The following ALS2 variants were observed in gnomAD, a reference collection of about 807,000 sequenced individuals.
ALS2 encodes alsin Rho guanine nucleotide exchange factor ALS2, also known as alsin.
Under a neutral mutation model 203.4 loss-of-function variants are expected in ALS2, and 117 were observed. That is an observed-to-expected ratio of 0.58 (90% CI 0.50 to 0.67). The LOEUF (loss-of-function observed/expected upper bound fraction) is 0.67, where lower values mean the gene tolerates loss of function less well. Among genes scored for constraint, ALS2 ranks in the 30% least tolerant of loss-of-function variants. The pLI is 0.00. For synonymous variants in ALS2, 718 were observed against 725.9 expected (o/e 0.99, Z 0.17); for missense variants, 1,715 against 1,989.4 (o/e 0.86, Z 2.62).
rs1184589867 is a variant in ALS2 at position 201,741,801 on chromosome 2, A to T, written c.2224T>A (p.Phe742Ile). The change falls in exon 11 of 34, where the codon TTC (phenylalanine) becomes ATC (isoleucine). Residue 742 changes from phenylalanine to isoleucine, a missense_variant. Physicochemically the swap from Phe to Ile is conservative, Grantham distance 21. Around this residue, in one of 3 missense-constraint regions of ALS2, gnomAD observed 1,227 missense variants for 1,413.5 expected, o/e 0.87. Transcript: ENST00000264276. ...VQLLQEVASR[F>I]SKLCYLIGQH... ...CCAATGAGGTAACACAGCTTGCTGAATCGGCTAGCCACCTCCTGCAACAGC... is the reference window on the plus strand; with the variant it reads ...CCAATGAGGTAACACAGCTTGCTGATTCGGCTAGCCACCTCCTGCAACAGC... 1 of 1,614,158 alleles carries T rather than the reference A, an allele frequency of 6.2e-7. No homozygotes were observed. Among genetic ancestry groups the T allele is most frequent in the South Asian group, 1.1e-5 (1 of 91,076 alleles).
At chr2:201,701,966 A>C in intron 33 of ALS2, 77 bp from the exon 34 acceptor site, 1 of 1,311,170 alleles carries the variant, frequency 7.6e-7, no homozygotes, top group Non-Finnish European at 1.1e-6. Context: ...TATGGGACTA[A>C]AGAAACAAAA....
At chr2:201,707,125 G>A (rs889863251) in intron 28 of ALS2, 103 bp from the exon 29 acceptor site, 4 of 1,090,106 alleles carry the variant, frequency 3.7e-6, no homozygotes, top group African/African-American at 1.6e-5. Context: ...AGTAGAGATG[G>A]GAAGTTTTAA....
intron 23 of ALS2, 196 bp downstream of exon 23, chr2:201,722,847 G>A (rs1690894416): frequency 3.4e-6 from 2 of 583,078 alleles, no homozygotes; most frequent in South Asian, 2.2e-5. Flanking sequence ...TGAGCAGAAG[G>A]GATTTTCTTG....
In ALS2 at chr2:201,726,713, T is replaced by G; in HGVS notation, c.3133A>C (p.Lys1045Gln). 1 of 1,614,196 alleles carries G rather than the reference T, an allele frequency of 6.2e-7. No individual in the cohort carries two copies. Among genetic ancestry groups the G allele is most frequent in the Non-Finnish European group, 8.5e-7 (1 of 1,180,036 alleles). ...CAGCGTCCATCATAGGTGGCATCCT[T>G]TAGGCGAGGATCCTTGTAGAAAGTA... ...KYTFYKDPRL[K>Q]DATYDGRWLS... The change falls in exon 18 of 34, where the codon AAG becomes CAG. Residue 1045 changes from lysine (K) to glutamine (Q), a missense_variant. Around this residue, in one of 3 missense-constraint regions of ALS2, gnomAD observed 1,227 missense variants for 1,413.5 expected, o/e 0.87. Coordinates refer to ENST00000264276, the MANE Select transcript of ALS2 (RefSeq NM_020919.4).
At chr2:201,753,681 G>A (rs186749252) in intron 6 of ALS2, among the ~76,000 whole-genome samples, 17 of 151,958 alleles carry the variant, frequency 1.1e-4, no homozygotes, top group Middle Eastern at 3.4e-3. Context: ...TGTTAATGTC[G>A]TAACAATTTC....
In ALS2 at chr2:201,729,054, T is replaced by C. The variant is rs764566405; in HGVS notation, c.2710A>G (p.Thr904Ala). The C allele has an allele frequency of 1.2e-6, 2 of 1,614,178 alleles. No homozygotes were observed. Among genetic ancestry groups the C allele is most frequent in the Non-Finnish European group, 1.7e-6 (2 of 1,180,010 alleles). ...GFWKTFPGKM[T>A]DSLRKPERRL... The stretch of plus-strand genomic sequence containing the variant: ...AAATGACAACTGGCATGGCTTACCG[T>C]CATTTTTCCGGGGAAGGTCTTCCAG... The change falls in exon 14 of 34, where the codon ACG (threonine) becomes GCG (alanine). Residue 904 changes from threonine (T) to alanine (A), a missense_variant and splice_region_variant. This residue lies in a region of ALS2 where 1,227 missense variants were observed against 1,413.5 expected (regional missense o/e 0.87). Coordinates refer to ENST00000264276, the MANE Select transcript of ALS2 (RefSeq NM_020919.4).
chr2:201,709,819 C>T (rs1574664832), intron 27 of ALS2, 62 bp downstream of exon 27: 2 of 1,602,850 alleles, frequency 1.2e-6, no homozygotes, highest in Admixed American at 1.7e-5. Context: ...GGTGAAACTA[C>T]CCAAGCACTG....
intron 11 of ALS2, among the ~76,000 whole-genome samples, chr2:201,740,395 T>TA (rs1164274424): frequency 4.6e-5 from 7 of 152,068 alleles, no homozygotes; most frequent in Non-Finnish European, 1.0e-4. Context: ...CCTGTTATGT[T>TA]AAAAAAAGCC....
At chr2:201,727,525 A>C (rs1691260451) in intron 16 of ALS2, among the ~76,000 whole-genome samples, 180 bp downstream of exon 16, 2 of 152,164 alleles carry the variant, frequency 1.3e-5, no homozygotes, top group South Asian at 2.1e-4. Flanking sequence ...CATGATCTTC[A>C]CAACAGGCCA....
At chr2:201,710,881 A>T (rs1474592809) in intron 26 of ALS2, 110 bp downstream of exon 26, 2 of 746,886 alleles carry the variant, frequency 2.7e-6, no homozygotes, top group African/African-American at 1.7e-5. Context: ...AATGCACAGG[A>T]TGCAAAAACA....
chr2:201,744,277 G>C lies in ALS2; in HGVS notation c.2151C>G (p.Leu717=), dbSNP rs1241805981. ...SKLSDIKSQI[L]RPLLSLENLG... ...ACTTACCTAAACTGAGAAGAGGCCTGAGAATCTGAGATTTGATATCACTTA... is the reference window on the plus strand; with the variant it reads ...ACTTACCTAAACTGAGAAGAGGCCTCAGAATCTGAGATTTGATATCACTTA... Residue 717 remains leucine (L), a synonymous_variant, in exon 10 of 34, where the codon CTC becomes CTG. Coordinates refer to ENST00000264276, the MANE Select transcript of ALS2 (RefSeq NM_020919.4). The C allele has an allele frequency of 6.2e-7, 1 of 1,613,988 alleles. No individual in the cohort carries two copies. The highest frequency in any genetic ancestry group is 8.5e-7 in the Non-Finnish European group (1 of 1,180,006).
At chr2:201,755,276 T>TC (rs974347218) in intron 5 of ALS2, among the ~76,000 whole-genome samples, 8 of 151,916 alleles carry the variant, frequency 5.3e-5, no homozygotes, top group African/African-American at 1.9e-4. Flanking sequence ...CTTTTTTTTT[T>TC]CTTGAGACGG....
chr2:201,715,601 T>A, intron 25 of ALS2, 71 bp downstream of exon 25: 1 of 1,565,944 alleles, frequency 6.4e-7, no homozygotes, highest in Admixed American at 1.7e-5. Context: ...TGGTGAGCCT[T>A]GACTACTTAC....
chr2:201,759,728 A>C, intron 4 of ALS2: 1 of 984,886 alleles, frequency 1.0e-6, no homozygotes, highest in South Asian at 4.7e-5. Flanking sequence ...TTCTAAAAAT[A>C]CCTTCATGTT....
At chr2:201,747,864 T>C (rs1559070721) in intron 8 of ALS2, among the ~76,000 whole-genome samples, 1 of 152,202 alleles carries the variant, frequency 6.6e-6, no homozygotes, top group African/African-American at 2.4e-5. Flanking sequence ...AGTGATTCAG[T>C]GGCCACCATG....
intron 11 of ALS2, among the ~76,000 whole-genome samples, chr2:201,740,892 G>A (rs570956118): frequency 3.9e-4 from 60 of 152,292 alleles, no homozygotes; most frequent in Middle Eastern, 3.4e-3. Context: ...GAGGGCTGGT[G>A]CTTTTCGCAG....
chr2:201,734,719 T>C (rs1691775206), intron 12 of ALS2, among the ~76,000 whole-genome samples: 1 of 152,168 alleles, frequency 6.6e-6, no homozygotes, highest in African/African-American at 2.4e-5. Context: ...GTTCCAACTC[T>C]TGTGAACTCC....
intron 14 of ALS2, 140 bp from the exon 15 acceptor site, chr2:201,728,780 T>C: frequency 8.9e-7 from 1 of 1,118,542 alleles, no homozygotes; most frequent in Non-Finnish European, 1.3e-6. Context: ...TAAATTTATA[T>C]GGGATCTAAA....
rs186167287 is a variant in ALS2, at chr2:201,725,285, C to T, written c.3347+71G>A. The T allele has an allele frequency of 5.1e-5, 66 of 1,287,026 alleles. No individual in the cohort carries two copies. The East Asian group carries it at 1.5e-3, about 29-fold the overall frequency. 79.7% of individuals were successfully genotyped at this position (1,287,026 alleles called of 1,614,324 possible). On this transcript the variant is annotated intron_variant, in intron 20 of 33. Coordinates refer to ENST00000264276, the MANE Select transcript of ALS2 (RefSeq NM_020919.4). ...AAAACTTAAAACTTGGAAATTTTGG[C>T]TATGCAAACATTCAGGTTTACATGG... is the stretch of plus-strand genomic sequence containing the variant.
Sources: gnomAD v4.1 joint callset for allele counts (sites outside exome capture counted in the v4.1 genomes callset) on GRCh38, gnomAD v4.1.1 for gene constraint, gnomAD v4.1.1 regional missense constraint, MANE v1.5 for transcripts, NCBI Gene and HGNC (gene_info 2026-07-23, HGNC 2026-07-21) for gene names.